Variants in FGF10 observed in about 807,000 individuals in gnomAD.
The protein encoded by FGF10 is FGF-10.
In FGF10, 2 loss-of-function variants were observed where a neutral mutation model predicts 19.8. The observed-to-expected ratio is 0.10, with a 90% CI of 0.04 to 0.32. FGF10 has a LOEUF of 0.32. Among genes scored for constraint, FGF10 ranks in the 10% least tolerant of loss-of-function variants. FGF10 has a pLI of 1.00. For missense variants in FGF10, 191 were observed against 246.3 expected (o/e 0.78, Z 1.50); for synonymous variants, 112 against 94.0 (o/e 1.19, Z -1.10).
intron 1 of FGF10, among the ~76,000 whole-genome samples, chr5:44,379,358 C>T (rs1741938498): frequency 6.6e-6 from 1 of 152,166 alleles, no homozygotes; most frequent in South Asian, 2.1e-4. Context: ...ATGAATGAAT[C>T]AATGAATGAA....
chr5:44,354,973 G>A (rs537283915), intron 1 of FGF10, among the ~76,000 whole-genome samples: 1 of 151,494 alleles, frequency 6.6e-6, no homozygotes, highest in Non-Finnish European at 1.5e-5. Context: ...TCATTCATCA[G>A]GCTATCTAGC....
intron 1 of FGF10, among the ~76,000 whole-genome samples, chr5:44,375,110 C>T (rs1336383787): frequency 6.6e-6 from 1 of 152,078 alleles, no homozygotes; most frequent in Non-Finnish European, 1.5e-5. Context: ...TGACCAAGAT[C>T]ATATGGTTAA....
At chr5:44,351,486 A>T (rs1325929978) in intron 1 of FGF10, among the ~76,000 whole-genome samples, 1 of 151,616 alleles carries the variant, frequency 6.6e-6, no homozygotes, top group Non-Finnish European at 1.5e-5. Flanking sequence ...TAAAAATAGA[A>T]ATATCTCTGA....
intron 1 of FGF10, among the ~76,000 whole-genome samples, chr5:44,381,285 T>C (rs1011155213): frequency 6.6e-6 from 1 of 152,152 alleles, no homozygotes; most frequent in African/African-American, 2.4e-5. Context: ...ATGGAGTATA[T>C]TGAATTTACA....
At chr5:44,373,420 T>A (rs1443372225) in intron 1 of FGF10, among the ~76,000 whole-genome samples, 1 of 152,168 alleles carries the variant, frequency 6.6e-6, no homozygotes, top group African/African-American at 2.4e-5. Context: ...TGCTTAACAG[T>A]TCTTTTTTCA....
At chr5:44,331,774 G>T (rs1482330368) in intron 1 of FGF10, among the ~76,000 whole-genome samples, 1 of 152,052 alleles carries the variant, frequency 6.6e-6, no homozygotes, top group Non-Finnish European at 1.5e-5. Context: ...TTACCAGCCG[G>T]CTGTTAATAA....
chr5:44,348,903 A>T (rs1741151177), intron 1 of FGF10, among the ~76,000 whole-genome samples: 3 of 151,508 alleles, frequency 2.0e-5, no homozygotes, highest in Admixed American at 6.6e-5. Context: ...GCTCAATCTT[A>T]TGTGTCCACT....
intron 1 of FGF10, among the ~76,000 whole-genome samples, chr5:44,314,104 A>G (rs984418786): frequency 6.6e-6 from 1 of 152,108 alleles, no homozygotes; most frequent in Admixed American, 6.6e-5. Context: ...ATGAAGGTTA[A>G]GAAGTGTCCA....
chr5:44,388,332 G>A (rs2111938850), intron 1 of FGF10, 26 bp downstream of exon 1: 1 of 1,604,862 alleles, frequency 6.2e-7, no homozygotes, highest in Non-Finnish European at 8.5e-7. Flanking sequence ...TAATTGGAAG[G>A]AGGGGAGCAT....
At position 44,305,150 on chromosome 5, in the gene FGF10, C is replaced by T. The variant is rs2111667037; in HGVS notation, c.472G>A (p.Glu158Lys). ...GATGCATAGGTATTGTATCCATTTT[C>T]CTCTATCCTCTCCTTCAGCTTACAG... ...NDCKLKERIE[E>K]NGYNTYASFN... The change falls in exon 3 of 3, where the codon GAA (glutamate) becomes AAA (lysine). Residue 158 changes from glutamate (E) to lysine (K), a missense_variant. Physicochemically the swap from Glu to Lys is moderately conservative, Grantham distance 56. Coordinates refer to ENST00000264664, the MANE Select transcript of FGF10 (RefSeq NM_004465.2). 6.2e-7 allele frequency: 1 copy of T among 1,613,892 alleles called. No homozygotes were observed. Among genetic ancestry groups the T allele is most frequent in the South Asian group, 1.1e-5 (1 of 91,080 alleles).
At chr5:44,374,241 C>A (rs190154510) in intron 1 of FGF10, among the ~76,000 whole-genome samples, 3 of 152,228 alleles carry the variant, frequency 2.0e-5, no homozygotes, top group African/African-American at 7.2e-5. Flanking sequence ...TGTGCTTCTA[C>A]GTATGTCTAA....
chr5:44,376,326 AG>A (rs1203783722), intron 1 of FGF10, among the ~76,000 whole-genome samples: 7 of 151,870 alleles, frequency 4.6e-5, no homozygotes, highest in Non-Finnish European at 7.4e-5. Flanking sequence ...TCATAGTGTC[AG>A]TAGGGGGGTG....
intron 1 of FGF10, among the ~76,000 whole-genome samples, chr5:44,364,155 G>A (rs567068102): frequency 1.8e-4 from 27 of 151,812 alleles, no homozygotes; most frequent in Non-Finnish European, 3.8e-4. Flanking sequence ...AAAAGAAATA[G>A]CATTTCTTAC....
intron 1 of FGF10, among the ~76,000 whole-genome samples, chr5:44,347,007 A>G (rs1369602864): frequency 6.6e-6 from 1 of 151,776 alleles, no homozygotes; most frequent in Non-Finnish European, 1.5e-5. Flanking sequence ...TGAAAAATTT[A>G]TTTCTGTTCT....
intron 1 of FGF10, among the ~76,000 whole-genome samples, chr5:44,362,627 A>C (rs1741518351): frequency 6.6e-6 from 1 of 151,700 alleles, no homozygotes; most frequent in South Asian, 2.1e-4. Context: ...ACTATATGTT[A>C]GAGAACAAAT....
chr5:44,320,173 C>T (rs375378218), intron 1 of FGF10, among the ~76,000 whole-genome samples: 4 of 152,262 alleles, frequency 2.6e-5, no homozygotes, highest in East Asian at 1.9e-4. Flanking sequence ...TATAGATGAA[C>T]GTTAGCAGAC....
rs1739945432 is a variant in FGF10, at chr5:44,300,395, A to G, written c.*4600T>C. Among the ~76,000 whole-genome samples, 1 of 152,168 alleles carries G rather than the reference A, an allele frequency of 6.6e-6. No individual in the cohort carries two copies. Among genetic ancestry groups the G allele is most frequent in the South Asian group, 2.1e-4 (1 of 4,824 alleles). ...CATTTATAACATCATATTGTGATAC[A>G]GGTTGAAGTAGGAGGACCAGCTTTT... On this transcript the variant is annotated 3_prime_UTR_variant, in exon 3 of 3. Coordinates refer to ENST00000264664, the MANE Select transcript of FGF10 (RefSeq NM_004465.2).
chr5:44,342,666 G>C (rs1740996551), intron 1 of FGF10, among the ~76,000 whole-genome samples: 1 of 151,814 alleles, frequency 6.6e-6, no homozygotes, highest in Admixed American at 6.6e-5. Context: ...TCGTTACCTT[G>C]CCCACACTAA....
At chr5:44,324,375 C>T (rs1263692511) in intron 1 of FGF10, among the ~76,000 whole-genome samples, 1 of 152,068 alleles carries the variant, frequency 6.6e-6, no homozygotes, top group Non-Finnish European at 1.5e-5. Flanking sequence ...ACTGTCAAAA[C>T]TTTTAAAACT....
Sources: gnomAD v4.1 joint callset for allele counts (sites outside exome capture counted in the v4.1 genomes callset) on GRCh38, gnomAD v4.1.1 for gene constraint, MANE v1.5 for transcripts, NCBI Gene and HGNC (gene_info 2026-07-23, HGNC 2026-07-21) for gene names.